Variants in HHAT observed in about 807,000 individuals in gnomAD.
HHAT encodes the protein protein-cysteine N-palmitoyltransferase HHAT.
HHAT carries 47 observed loss-of-function variants against 70.8 expected under a neutral mutation model. The observed-to-expected ratio is 0.66, with a 90% CI of 0.53 to 0.85. HHAT has a LOEUF of 0.85. HHAT is among the 40% of genes least tolerant of loss of function. HHAT has a pLI of 0.00. For synonymous variants in HHAT, 228 were observed against 247.6 expected, an observed-to-expected ratio of 0.92 and a Z score of 0.74; for missense variants, 609 against 604.8, an observed-to-expected ratio of 1.01 and a Z score of -0.07.
intron 6 of HHAT, among the ~76,000 whole-genome samples, chr1:210,406,129 G>A (rs1296315422): frequency 6.6e-6 from 1 of 152,108 alleles, no homozygotes; most frequent in Non-Finnish European, 1.5e-5. Flanking sequence ...ACAGCATAGG[G>A]TGGGTTCCTC....
intron 9 of HHAT, among the ~76,000 whole-genome samples, chr1:210,570,074 G>T (rs1311232367): frequency 2.0e-5 from 3 of 152,192 alleles, no homozygotes; most frequent in African/African-American, 7.2e-5. Flanking sequence ...TACAGTTTAT[G>T]TGATACCAGG....
At chr1:210,506,197 C>A (rs1558047693) in intron 8 of HHAT, among the ~76,000 whole-genome samples, 1 of 152,158 alleles carries the variant, frequency 6.6e-6, no homozygotes, top group East Asian at 1.9e-4. Flanking sequence ...GTACAGCAGT[C>A]ATAATCATCA....
chr1:210,603,004 A>G (rs1664622606), intron 10 of HHAT, among the ~76,000 whole-genome samples: 1 of 152,188 alleles, frequency 6.6e-6, no homozygotes, highest in Non-Finnish European at 1.5e-5. Context: ...TTAACTTTCC[A>G]TGACTGAGTC....
At chr1:210,454,337 A>G (rs1480011662) in intron 7 of HHAT, among the ~76,000 whole-genome samples, 2 of 152,184 alleles carry the variant, frequency 1.3e-5, no homozygotes, top group Non-Finnish European at 2.9e-5. Context: ...GCAGATCACA[A>G]GGTCAGGAGA....
intron 11 of HHAT, among the ~76,000 whole-genome samples, chr1:210,663,146 C>T (rs1678122538): frequency 6.6e-6 from 1 of 152,126 alleles, no homozygotes; most frequent in Non-Finnish European, 1.5e-5. Context: ...AGGCACTAAC[C>T]AAGACAAAGG....
intron 2 of HHAT, among the ~76,000 whole-genome samples, chr1:210,349,508 G>A (rs1312659597): frequency 2.0e-5 from 3 of 152,098 alleles, no homozygotes; most frequent in Non-Finnish European, 2.9e-5. Context: ...AAGGGGAATG[G>A]GGGCCCTCCT....
At position 210,418,338 on chromosome 1, in the gene HHAT, A is replaced by C; in HGVS notation, c.856+13A>C. ...TGTTGGACCTTAGGTAATTGTGGGA[A>C]TCACCAACAGTGGGATGAGCCCCAA... is the stretch of plus-strand genomic sequence containing the variant. On this transcript the variant is annotated intron_variant, in intron 7 of 11. Transcript: ENST00000261458. 1.3e-6 allele frequency: 2 copies of C among 1,565,990 alleles called. No individual in the cohort carries two copies. Among genetic ancestry groups the C allele is most frequent in the Admixed American group, 1.8e-5 (1 of 55,262 alleles).
At chr1:210,385,478 G>A (rs2090976616) in intron 3 of HHAT, among the ~76,000 whole-genome samples, 1 of 152,142 alleles carries the variant, frequency 6.6e-6, no homozygotes, top group South Asian at 2.1e-4. Context: ...TTAAAGCTTT[G>A]AGTTCTCTGC....
At chr1:210,625,399 T>C (rs1293051755) in intron 11 of HHAT, among the ~76,000 whole-genome samples, 1 of 152,120 alleles carries the variant, frequency 6.6e-6, no homozygotes, top group Admixed American at 6.5e-5. Context: ...CTAAATCAAA[T>C]GCATTGGATG....
chr1:210,369,505 G>C (rs1194359376), intron 3 of HHAT, among the ~76,000 whole-genome samples: 1 of 152,232 alleles, frequency 6.6e-6, no homozygotes, highest in Non-Finnish European at 1.5e-5. Flanking sequence ...AAATGCCTCT[G>C]CATTTTAATA....
At chr1:210,458,756 C>G (rs1239315432) in intron 7 of HHAT, among the ~76,000 whole-genome samples, 2 of 152,162 alleles carry the variant, frequency 1.3e-5, no homozygotes, top group Non-Finnish European at 2.9e-5. Context: ...CTCCACCTTT[C>G]AGCGTGAGAT....
chr1:210,577,716 C>T (rs1437193517), intron 9 of HHAT, among the ~76,000 whole-genome samples: 1 of 133,296 alleles, frequency 7.5e-6, no homozygotes, highest in Non-Finnish European at 1.5e-5. Context: ...AGTGCAATCT[C>T]AGCTCACTGC....
In HHAT at chr1:210,407,709, C is replaced by T. The variant is rs140663868; in HGVS notation, c.684+3030C>T. Among the ~76,000 whole-genome samples, 734 of 152,276 alleles carry T rather than the reference C, an allele frequency of 4.8e-3. 5 individuals carry two copies. Among genetic ancestry groups the T allele is most frequent in the African/African-American group, 0.017 (700 of 41,542 alleles). ...ATGGGCCTGATTTGTTTTTCTCTCA[C>T]GTTTCTGTGGAACTCGGATACCAAG... On this transcript the variant is annotated intron_variant, in intron 6 of 11. Transcript: ENST00000261458.
At chr1:210,562,268 A>G (rs1218335552) in intron 9 of HHAT, among the ~76,000 whole-genome samples, 2 of 152,006 alleles carry the variant, frequency 1.3e-5, no homozygotes, top group Non-Finnish European at 2.9e-5. Context: ...TGGAAAGGAT[A>G]TATATTTTTC....
At chr1:210,387,178 TC>T (rs2091138932) in intron 3 of HHAT, among the ~76,000 whole-genome samples, 1 of 152,104 alleles carries the variant, frequency 6.6e-6, no homozygotes, top group Admixed American at 6.5e-5. Context: ...CCCTGGGAGA[TC>T]AGCTGTAACA....
rs183371431 is a variant in HHAT, at chr1:210,417,393, C to G, written c.685-761C>G. On this transcript the variant is annotated intron_variant, in intron 6 of 11. Coordinates refer to ENST00000261458, the MANE Select transcript of HHAT (RefSeq NM_018194.6). ...GATTACAGGCATGTGCCACCCCATG[C>G]CCAGCTAGTTTTTGTAGTTTTAGTA... Among the ~76,000 whole-genome samples, 374 of 152,198 alleles carry G rather than the reference C, an allele frequency of 2.5e-3. 9 individuals carry two copies. The South Asian group carries it at 0.057, about 23-fold the overall frequency.
intron 11 of HHAT, among the ~76,000 whole-genome samples, chr1:210,661,871 A>T (rs1027868803): frequency 2.0e-5 from 3 of 152,196 alleles, no homozygotes; most frequent in Non-Finnish European, 4.4e-5. Context: ...CATTAGGAGA[A>T]ATACCTAATG....
intron 11 of HHAT, among the ~76,000 whole-genome samples, chr1:210,666,924 C>T (rs1302850121): frequency 6.6e-6 from 1 of 151,874 alleles, no homozygotes; most frequent in Non-Finnish European, 1.5e-5. Context: ...ACTAAAAATA[C>T]AAAAAATTAG....
intron 11 of HHAT, among the ~76,000 whole-genome samples, chr1:210,666,993 C>T (rs990464494): frequency 2.6e-5 from 4 of 151,298 alleles, no homozygotes; most frequent in Non-Finnish European, 4.4e-5. Context: ...AGCAGGAGAA[C>T]GGCGTGAACC....
Sources: allele counts gnomAD v4.1 joint callset (sites outside exome capture counted in the v4.1 genomes callset), GRCh38; gene constraint gnomAD v4.1.1; transcripts MANE v1.5; gene names NCBI Gene and HGNC (gene_info 2026-07-23, HGNC 2026-07-21).